Variants in HNF1B observed in about 807,000 individuals in gnomAD.
The protein encoded by HNF1B is HNF1 homeobox B, also known as hepatocyte nuclear factor 1-beta.
HNF1B carries 8 observed loss-of-function variants against 61.7 expected under a neutral mutation model. The ratio of observed to expected loss-of-function variants is 0.13; its 90% confidence interval spans 0.08 to 0.23. HNF1B has a LOEUF of 0.23. Among genes scored for constraint, HNF1B ranks in the 10% least tolerant of loss-of-function variants. The pLI is 1.00. For missense variants in HNF1B, 562 were observed against 714.5 expected (o/e 0.79, Z 2.43); for synonymous variants, 314 against 287.7 (o/e 1.09, Z -0.93).
chr17:37,715,926 G>T (rs556070279), intron 4 of HNF1B, among the ~76,000 whole-genome samples: 3 of 152,172 alleles, frequency 2.0e-5, no homozygotes, highest in African/African-American at 7.2e-5. Flanking sequence ...GAGGTCAGGA[G>T]TTCGAGACTA....
At chr17:37,730,875 A>G (rs1233735105) in intron 4 of HNF1B, 1 of 155,346 alleles carries the variant, frequency 6.4e-6, no homozygotes, top group Non-Finnish European at 1.4e-5. Context: ...AGCGCTCAGC[A>G]TGAGGTGTGC....
rs909975052 is a variant in HNF1B at position 37,736,253 on chromosome 17, C to T, written c.545-2432G>A. ...GTGGCACCAGTAGAGTCACCAATGG[C>T]GAAAGCCAGTGTGGATCATCCCAAG... On this transcript the variant is annotated intron_variant, in intron 2 of 8. Transcript: ENST00000617811. Among the ~76,000 whole-genome samples the T allele has an allele frequency of 3.9e-5, 6 of 152,308 alleles. 1 individual carries two copies. Among genetic ancestry groups the T allele is most frequent in the South Asian group, 4.1e-4 (2 of 4,828 alleles).
intron 8 of HNF1B, among the ~76,000 whole-genome samples, chr17:37,692,028 G>A (rs2032220818): frequency 6.6e-6 from 1 of 152,242 alleles, no homozygotes; most frequent in African/African-American, 2.4e-5. Context: ...GTCAGTGGTT[G>A]CTGTGGTCTT....
At position 37,712,342 on chromosome 17, in the gene HNF1B, CCAAGT is replaced by C. The variant is rs1387952547; in HGVS notation, c.1046-1684_1046-1680del. On this transcript the variant is annotated intron_variant, in intron 4 of 8. Coordinates refer to ENST00000617811, the MANE Select transcript of HNF1B (RefSeq NM_000458.4). ...AAAAGGAGGAACAGCGTTCAGCTCC[CCAAGT>C]CAACAGCCGGTGCCCAGGCCCCTGT... Among the ~76,000 whole-genome samples, 5 of 152,166 alleles carry C rather than the reference CCAAGT, an allele frequency of 3.3e-5. No homozygotes were observed. In the East Asian group the frequency reaches 9.6e-4, roughly 29 times the overall value.
intron 8 of HNF1B, among the ~76,000 whole-genome samples, chr17:37,696,376 G>T (rs1303240661): frequency 1.3e-5 from 2 of 152,158 alleles, no homozygotes; most frequent in Admixed American, 6.5e-5. Context: ...GGTTAAAGCT[G>T]CAGTGAGCTG....
chr17:37,735,256 T>A (rs74398459), intron 2 of HNF1B, among the ~76,000 whole-genome samples: 1 of 152,292 alleles, frequency 6.6e-6, no homozygotes, highest in Non-Finnish European at 1.5e-5. Flanking sequence ...GTCAGGCTAC[T>A]ACTTAACGTT....
Position 37,744,902 on chromosome 17 carries a change from A to T in HNF1B, c.-18T>A. The T allele has an allele frequency of 1.8e-5, 12 of 652,336 alleles. No individual in the cohort carries two copies. Among genetic ancestry groups the T allele is most frequent in the Non-Finnish European group, 2.2e-5 (8 of 369,636 alleles). 40.4% of individuals were successfully genotyped at this position (652,336 alleles called of 1,614,324 possible). A position where few individuals can be genotyped will look rare whatever the true frequency, so the allele number is the denominator to read the frequency against. ...GACACCATTTTCCAAGGACGGAAAAAGAAGGGGGTGAGGGGGTGGGTGGGT... is the reference window on the plus strand; with the variant it reads ...GACACCATTTTCCAAGGACGGAAAATGAAGGGGGTGAGGGGGTGGGTGGGT... On this transcript the variant is annotated 5_prime_UTR_variant, in exon 1 of 9. Coordinates refer to ENST00000617811, the MANE Select transcript of HNF1B (RefSeq NM_000458.4).
intron 4 of HNF1B, chr17:37,720,707 G>A: frequency 2.5e-6 from 2 of 802,790 alleles, no homozygotes; most frequent in African/African-American, 3.7e-5. Flanking sequence ...AGGGCTATGG[G>A]CTGGAGACAC....
intron 4 of HNF1B, among the ~76,000 whole-genome samples, chr17:37,716,619 T>C (rs1390137921): frequency 6.6e-6 from 1 of 152,234 alleles, no homozygotes. Flanking sequence ...CTACTGCGCC[T>C]GTGTGTTCAA....
At chr17:37,707,053 C>G (rs1490587428) in intron 5 of HNF1B, among the ~76,000 whole-genome samples, 1 of 152,034 alleles carries the variant, frequency 6.6e-6, no homozygotes, top group East Asian at 1.9e-4. Context: ...ATCTTATTCA[C>G]TTACTAAGTT....
At chr17:37,687,424 T>G in intron 8 of HNF1B, 32 bp from the exon 9 acceptor site, 1 of 1,546,582 alleles carries the variant, frequency 6.5e-7, no homozygotes, top group Non-Finnish European at 8.9e-7. Context: ...GGTGCTCAGC[T>G]GTGTCATTTG....
intron 4 of HNF1B, among the ~76,000 whole-genome samples, chr17:37,727,981 A>G (rs1181851830): frequency 6.6e-6 from 1 of 151,256 alleles, no homozygotes; most frequent in Admixed American, 6.6e-5. Context: ...CCTCAGCAAC[A>G]TGGAGTTTTT....
chr17:37,718,154 A>G (rs1039677737), intron 4 of HNF1B, among the ~76,000 whole-genome samples: 6 of 152,210 alleles, frequency 3.9e-5, no homozygotes, highest in African/African-American at 1.4e-4. Context: ...TAACCAAGAA[A>G]AGAAAAAAAA....
intron 4 of HNF1B, among the ~76,000 whole-genome samples, chr17:37,720,232 A>T (rs1305473847): frequency 1.3e-5 from 2 of 152,198 alleles, no homozygotes; most frequent in Non-Finnish European, 2.9e-5. Flanking sequence ...AAAAGAGGAG[A>T]CGTTCTTGCT....
chr17:37,742,272 C>T (rs1295475069), intron 1 of HNF1B, among the ~76,000 whole-genome samples: 3 of 152,246 alleles, frequency 2.0e-5, no homozygotes, highest in Non-Finnish European at 4.4e-5. Flanking sequence ...ACGCCCCCGG[C>T]GCACCTGCCT....
At chr17:37,720,753 G>A (rs1025328690) in intron 4 of HNF1B, 4 of 982,902 alleles carry the variant, frequency 4.1e-6, no homozygotes, top group Non-Finnish European at 4.8e-6. Flanking sequence ...TCAGATGTTG[G>A]TACAGCCCAC....
intron 4 of HNF1B, among the ~76,000 whole-genome samples, chr17:37,716,354 C>A (rs34452928): frequency 6.8e-4 from 104 of 152,016 alleles, no homozygotes; most frequent in African/African-American, 2.5e-3. Context: ...CCCACCACCA[C>A]GCTCAGCTAA....
chr17:37,730,389 T>G (rs1474099935), intron 4 of HNF1B: 1 of 152,384 alleles, frequency 6.6e-6, no homozygotes, highest in Non-Finnish European at 1.5e-5. Context: ...TTTCTTCCTG[T>G]GTGGCTGAGC....
intron 4 of HNF1B, chr17:37,728,569 G>A (rs1289850880): frequency 1.3e-5 from 2 of 150,130 alleles, no homozygotes; most frequent in East Asian, 2.0e-4. Context: ...GCCTCCCAAA[G>A]TGCTGGGATT....
Sources: allele counts gnomAD v4.1 joint callset (sites outside exome capture counted in the v4.1 genomes callset), GRCh38; gene constraint gnomAD v4.1.1; transcripts MANE v1.5; gene names NCBI Gene and HGNC (gene_info 2026-07-23, HGNC 2026-07-21).